The following GRIA4 variants were observed in gnomAD, a reference collection of about 807,000 sequenced individuals.
GRIA4 encodes the protein glutamate ionotropic receptor AMPA type subunit 4.
A neutral mutation model predicts 104.0 loss-of-function variants in GRIA4; 34 were observed. The observed-to-expected ratio is 0.33, with a 90% confidence interval of 0.25 to 0.44. The LOEUF (loss-of-function observed/expected upper bound fraction) is 0.44, where lower values mean the gene tolerates loss of function less well. Among genes scored for constraint, GRIA4 ranks in the 20% least tolerant of loss-of-function variants. The pLI is 1.00. For synonymous variants in GRIA4, 386 were observed against 381.9 expected, an observed-to-expected ratio of 1.01 and a Z score of -0.13; for missense variants, 750 against 1,096.5, an observed-to-expected ratio of 0.68 and a Z score of 4.46.
chr11:105,612,403 G>A lies in GRIA4; in HGVS notation c.216G>A (p.Glu72=). Residue 72 remains glutamate (E), a synonymous_variant, in exon 3 of 17, where the codon GAG becomes GAA. Transcript: ENST00000282499. ...FNLVPHVDNI[E]TANSFAVTNA... is the part of the protein sequence containing the mutation. ...TGGTACCTCATGTGGACAACATTGA[G>A]ACAGCCAACAGTTTTGCTGTAACAA... 6.2e-7 allele frequency: 1 copy of A among 1,614,108 alleles called. No homozygotes were observed. The highest frequency in any genetic ancestry group is 1.7e-5 in the Admixed American group (1 of 60,026).
intron 3 of GRIA4, among the ~76,000 whole-genome samples, chr11:105,636,102 G>A (rs1173029731): frequency 6.6e-6 from 1 of 152,128 alleles, no homozygotes; most frequent in East Asian, 1.9e-4. Context: ...AAACAGATTT[G>A]GAATACAAAA....
chr11:105,847,402 C>T (rs1265009905), intron 4 of GRIA4, among the ~76,000 whole-genome samples: 1 of 152,114 alleles, frequency 6.6e-6, no homozygotes, highest in East Asian at 1.9e-4. Flanking sequence ...GGGTTGGGGA[C>T]CTCTGCATTA....
At chr11:105,829,226 G>A (rs1943884853) in intron 4 of GRIA4, among the ~76,000 whole-genome samples, 1 of 151,966 alleles carries the variant, frequency 6.6e-6, no homozygotes, top group Non-Finnish European at 1.5e-5. Flanking sequence ...GTAAGGCAGA[G>A]AGCCTTGAAC....
intron 3 of GRIA4, among the ~76,000 whole-genome samples, chr11:105,695,977 AAACAAGCACTT>A (rs1953263173): frequency 6.6e-6 from 1 of 152,208 alleles, no homozygotes; most frequent in African/African-American, 2.4e-5. Flanking sequence ...AAAAGAAGGC[AAACAAGCACTT>A]CAATGACATA....
At chr11:105,861,972 C>A in intron 4 of GRIA4, 52 bp from the exon 5 acceptor site, 1 of 1,102,990 alleles carries the variant, frequency 9.1e-7, no homozygotes, top group Non-Finnish European at 1.4e-6. Context: ...CTGCATACAT[C>A]ATTAAAGGGG....
At chr11:105,967,898 C>A (rs1440557897) in intron 14 of GRIA4, among the ~76,000 whole-genome samples, 1 of 151,976 alleles carries the variant, frequency 6.6e-6, no homozygotes, top group African/African-American at 2.4e-5. Context: ...CATTTTGTAC[C>A]TTTTTCAGGT....
intron 4 of GRIA4, among the ~76,000 whole-genome samples, chr11:105,836,624 A>C (rs1944198041): frequency 6.6e-6 from 1 of 152,098 alleles, no homozygotes; most frequent in Non-Finnish European, 1.5e-5. Flanking sequence ...TGAATTCTCA[A>C]ACTTTATTTT....
At chr11:105,861,261 T>C (rs1945214740) in intron 4 of GRIA4, among the ~76,000 whole-genome samples, 1 of 152,278 alleles carries the variant, frequency 6.6e-6, no homozygotes, top group East Asian at 1.9e-4. Context: ...AAGTTGTTTC[T>C]CCTCTGTGGT....
intron 4 of GRIA4, among the ~76,000 whole-genome samples, chr11:105,826,028 G>A (rs900380607): frequency 1.3e-4 from 20 of 152,006 alleles, no homozygotes; most frequent in African/African-American, 3.1e-4. Flanking sequence ...GGTGGGCCCC[G>A]TATCCAACAA....
chr11:105,620,004 T>A (rs1055317492), intron 3 of GRIA4, among the ~76,000 whole-genome samples: 1 of 151,926 alleles, frequency 6.6e-6, no homozygotes, highest in Non-Finnish European at 1.5e-5. Flanking sequence ...ATTGTCATCC[T>A]ATAATTTTTA....
chr11:105,738,381 T>C (rs1384543583), intron 3 of GRIA4, among the ~76,000 whole-genome samples: 1 of 137,982 alleles, frequency 7.2e-6, no homozygotes, highest in Non-Finnish European at 1.6e-5. Context: ...AGCGTTAGGC[T>C]GAATGCTGGA....
intron 14 of GRIA4, among the ~76,000 whole-genome samples, chr11:105,949,079 G>A (rs923863935): frequency 6.6e-6 from 1 of 152,120 alleles, no homozygotes; most frequent in African/African-American, 2.4e-5. Flanking sequence ...GCTGCATAAA[G>A]TGAAGGGCAA....
At chr11:105,757,896 A>G (rs1940401848) in intron 4 of GRIA4, among the ~76,000 whole-genome samples, 1 of 152,108 alleles carries the variant, frequency 6.6e-6, no homozygotes, top group Non-Finnish European at 1.5e-5. Flanking sequence ...AAAAGTTCTG[A>G]TTTTTTCCCC....
At chr11:105,625,083 T>G (rs897765518) in intron 3 of GRIA4, among the ~76,000 whole-genome samples, 5 of 152,018 alleles carry the variant, frequency 3.3e-5, no homozygotes, top group Non-Finnish European at 1.5e-5. Context: ...ATTTCCTTTT[T>G]GGTAGTCTCT....
rs1166048452 is a variant in GRIA4, at chr11:105,980,812, T to A, written c.*1073T>A. 1 of 152,620 alleles carries A rather than the reference T, an allele frequency of 6.6e-6. No individual in the cohort carries two copies. The highest frequency in any genetic ancestry group is 1.5e-5 in the Non-Finnish European group (1 of 68,042). 9.5% of individuals were successfully genotyped at this position (152,620 alleles called of 1,614,324 possible). On this transcript the variant is annotated 3_prime_UTR_variant, in exon 17 of 17. Transcript: ENST00000282499. ...ATTAGTGGTGGGCCATAGTGGAAAA[T>A]GTAGCTAGCCCTCATTATTTTTTGC...
intron 4 of GRIA4, among the ~76,000 whole-genome samples, chr11:105,757,990 T>C (rs1180865090): frequency 6.6e-6 from 1 of 152,188 alleles, no homozygotes; most frequent in Non-Finnish European, 1.5e-5. Flanking sequence ...ATGCCTGTAA[T>C]TCTGACACTT....
At chr11:105,699,378 T>A (rs1953403131) in intron 3 of GRIA4, among the ~76,000 whole-genome samples, 1 of 152,094 alleles carries the variant, frequency 6.6e-6, no homozygotes, top group South Asian at 2.1e-4. Context: ...CAAGATCACA[T>A]CACATGACCA....
intron 5 of GRIA4, among the ~76,000 whole-genome samples, chr11:105,867,948 C>G (rs1012976846): frequency 1.3e-4 from 20 of 152,274 alleles, no homozygotes; most frequent in African/African-American, 3.8e-4. Flanking sequence ...CGTCTGCATG[C>G]CAGACATTGT....
intron 3 of GRIA4, among the ~76,000 whole-genome samples, chr11:105,640,028 T>C (rs1951315790): frequency 6.6e-6 from 1 of 151,958 alleles, no homozygotes. Flanking sequence ...AAATGATTAA[T>C]GGGAAAAATA....
Sources: allele counts gnomAD v4.1 joint callset (sites outside exome capture counted in the v4.1 genomes callset), GRCh38; gene constraint gnomAD v4.1.1; transcripts MANE v1.5; gene names NCBI Gene and HGNC (gene_info 2026-07-23, HGNC 2026-07-21).